The following KRT36 variants were observed in gnomAD, a reference collection of about 807,000 sequenced individuals.
KRT36 encodes the protein keratin 36.
KRT36 carries 41 observed loss-of-function variants against 43.0 expected under a neutral mutation model. The ratio of observed to expected loss-of-function variants is 0.95; its 90% CI spans 0.74 to 1.24. The LOEUF (loss-of-function observed/expected upper bound fraction) is 1.24, where lower values mean the gene tolerates loss of function less well. Among genes scored for constraint, KRT36 ranks in the 50% most tolerant of loss-of-function variants. KRT36 has a pLI of 0.00. For synonymous variants in KRT36, 277 were observed against 252.9 expected (o/e 1.10, Z -0.90); for missense variants, 627 against 595.3 (o/e 1.05, Z -0.55).
At position 41,488,413 on chromosome 17, in the gene KRT36, AC is replaced by A. The variant is rs1211562740; in HGVS notation, c.543-15del. The A allele has an allele frequency of 6.2e-7, 1 of 1,610,658 alleles. No individual in the cohort carries two copies. The highest frequency in any genetic ancestry group is 1.3e-5 in the African/African-American group (1 of 74,804). ...TCTGTCTCATACCTGCACACACAGA[AC>A]CCTGCCAAGTCTGCAGCAAAGGAAA... On this transcript the variant is annotated splice_polypyrimidine_tract_variant and intron_variant, in intron 2 of 6. Coordinates refer to ENST00000328119, the MANE Select transcript of KRT36 (RefSeq NM_003771.5).
chr17:41,489,755 C>A lies in KRT36; in HGVS notation c.110G>T (p.Cys37Phe), dbSNP rs1372933584. The stretch of plus-strand genomic sequence containing the variant: ...AGCACCGGCGAGACTGGGGACCCTG[C>A]AGGAGCCCACAGAACGGATGGAGGA... Reference protein sequence around the residue: ...RVSSIRSVGSCRVPSLAGAAG... With the variant: ...RVSSIRSVGSFRVPSLAGAAG... Residue 37 changes from cysteine to phenylalanine, a missense_variant, in exon 1 of 7, where the codon TGC becomes TTC. Coordinates refer to ENST00000328119, the MANE Select transcript of KRT36 (RefSeq NM_003771.5). The A allele has an allele frequency of 6.2e-7, 1 of 1,613,862 alleles. No individual in the cohort carries two copies. The highest frequency in any genetic ancestry group is 8.5e-7 in the Non-Finnish European group (1 of 1,179,984).
Position 41,489,671 on chromosome 17 carries a change from C to T in KRT36, c.194G>A (p.Gly65Asp). The change falls in exon 1 of 7, where the codon GGC becomes GAC. Residue 65 changes from glycine (G) to aspartate (D), a missense_variant. Physicochemically the swap from Gly to Asp is moderately conservative, Grantham distance 94 (BLOSUM62 -1). Coordinates refer to ENST00000328119, the MANE Select transcript of KRT36 (RefSeq NM_003771.5). ...GTGGCACTCAGAAGACAGGTAGGAG[C>T]CAGGCAAGCAGCTCCCAAGGCCAGA... ...GLSGLGSCLP[G>D]SYLSSECHTS... is the part of the protein sequence containing the mutation. 1 of 1,614,186 alleles carries T rather than the reference C, an allele frequency of 6.2e-7. No homozygotes were observed. Among genetic ancestry groups the T allele is most frequent in the Non-Finnish European group, 8.5e-7 (1 of 1,180,040 alleles).
chr17:41,487,442 G>A lies in KRT36; in HGVS notation c.896C>T (p.Ser299Leu), dbSNP rs776614119. 9 of 1,614,036 alleles carry A rather than the reference G, an allele frequency of 5.6e-6. No homozygotes were observed. The South Asian group carries it at 8.8e-5, about 16-fold the overall frequency. The change falls in exon 5 of 7, where the codon TCG becomes TTG. Residue 299 changes from serine (S) to leucine (L), a missense_variant. Transcript: ENST00000328119. ...EELNQQVVSSSEQLQCCQTEI... is the reference protein window; with the variant it reads ...EELNQQVVSSLEQLQCCQTEI... ...CGTCTGGCAGCACTGCAGCTGCTCC[G>A]AGCTGGACACCACCTGCTGGTTCAG...
At position 41,489,638 on chromosome 17, in the gene KRT36, C is replaced by G. The variant is rs768743093; in HGVS notation, c.227G>C (p.Gly76Ala). Reference sequence around the variant, plus strand: ...GAACCAGCCCCCGCTCCCCACAAAGCCAGAGGTGTGGCACTCAGAAGACAG... The same window carrying G: ...GAACCAGCCCCCGCTCCCCACAAAGGCAGAGGTGTGGCACTCAGAAGACAG... Reference protein sequence around the residue: ...SYLSSECHTSGFVGSGGWFCE... With the variant: ...SYLSSECHTSAFVGSGGWFCE... Residue 76 changes from glycine to alanine, a missense_variant, in exon 1 of 7, where the codon GGC (glycine) becomes GCC (alanine). Coordinates refer to ENST00000328119, the MANE Select transcript of KRT36 (RefSeq NM_003771.5). The G allele has an allele frequency of 2.5e-6, 4 of 1,614,166 alleles. No individual in the cohort carries two copies. In the Admixed American group the frequency reaches 6.7e-5, roughly 27 times the overall value.
rs761215695 is a variant in KRT36 at position 41,489,745 on chromosome 17, G to A, written c.120C>T (p.Pro40=). Residue 40 remains proline (P), a synonymous_variant, in exon 1 of 7, where the codon CCC becomes CCT. Coordinates refer to ENST00000328119, the MANE Select transcript of KRT36 (RefSeq NM_003771.5). ...SIRSVGSCRV[P]SLAGAAGYIS... ...TGTACCCTGCAGCACCGGCGAGACT[G>A]GGGACCCTGCAGGAGCCCACAGAAC... is the stretch of plus-strand genomic sequence containing the variant. 3 of 1,613,914 alleles carry A rather than the reference G, an allele frequency of 1.9e-6. No homozygotes were observed. Among genetic ancestry groups the A allele is most frequent in the African/African-American group, 2.7e-5 (2 of 74,914 alleles).
Position 41,489,706 on chromosome 17 carries a change from C to T in KRT36, c.159G>A (p.Arg53=), listed in dbSNP as rs758140884. Residue 53 remains arginine, a synonymous_variant, in exon 1 of 7, where the codon AGG becomes AGA. Coordinates refer to ENST00000328119, the MANE Select transcript of KRT36 (RefSeq NM_003771.5). ...AGCTCCCAAGGCCAGAGAGGCCCGA[C>T]CTAGCAGAAGAGATGTACCCTGCAG... is the stretch of plus-strand genomic sequence containing the variant. ...AGAAGYISSA[R]SGLSGLGSCL... 3.1e-6 allele frequency: 5 copies of T among 1,614,166 alleles called. No homozygotes were observed. Among genetic ancestry groups the T allele is most frequent in the Non-Finnish European group, 3.4e-6 (4 of 1,180,042 alleles).
chr17:41,486,488 A>G lies in KRT36; in HGVS notation c.1292T>C (p.Val431Ala). The G allele has an allele frequency of 1.9e-6, 3 of 1,613,644 alleles. No individual in the cohort carries two copies. The highest frequency in any genetic ancestry group is 2.5e-6 in the Non-Finnish European group (3 of 1,179,830). The change falls in exon 7 of 7, where the codon GTG becomes GCG. Residue 431 changes from valine (V) to alanine (A), a missense_variant. Physicochemically the swap from Val to Ala is moderately conservative, Grantham distance 64 (BLOSUM62 0). Transcript: ENST00000328119. Reference sequence around the variant, plus strand: ...AACCTGGGGAGCCGGGGTGCAGGGCACAGAGGGGACACAGGGCACCGGGGG... The same window carrying G: ...AACCTGGGGAGCCGGGGTGCAGGGCGCAGAGGGGACACAGGGCACCGGGGG... Reference protein sequence around the residue: ...SVPPVPCVPSVPCTPAPQVGT... With the variant: ...SVPPVPCVPSAPCTPAPQVGT...
At chr17:41,488,130 G>A (rs1904456171) in intron 3 of KRT36, 113 bp downstream of exon 3, 2 of 999,016 alleles carry the variant, frequency 2.0e-6, no homozygotes, top group South Asian at 1.6e-5. Flanking sequence ...AATGAAACGA[G>A]AATGAAATGC....
chr17:41,488,380 G>A lies in KRT36; in HGVS notation c.562C>T (p.Leu188=). ...ATGTCGGCCTCCACTAGCTGCCGCA[G>A]AGACAGCTCTGTCTCATACCTGCAC... ...FRTKYETELS[L]RQLVEADING... Residue 188 remains leucine, a synonymous_variant, in exon 3 of 7, where the codon CTG becomes TTG. Coordinates refer to ENST00000328119, the MANE Select transcript of KRT36 (RefSeq NM_003771.5). The A allele has an allele frequency of 1.9e-6, 3 of 1,614,140 alleles. No individual in the cohort carries two copies. The highest frequency in any genetic ancestry group is 2.5e-6 in the Non-Finnish European group (3 of 1,179,998).
Position 41,489,588 on chromosome 17 carries a change from C to A in KRT36, c.277G>T (p.Glu93Ter). 4.3e-6 allele frequency: 7 copies of A among 1,614,172 alleles called. No homozygotes were observed. The highest frequency in any genetic ancestry group is 5.9e-6 in the Non-Finnish European group (7 of 1,180,050). The part of the protein sequence containing the change: ...WFCEGSFNGS[E>*]KETMQFLNDR... ...TTCAGGAACTGCATAGTCTCCTTCT[C>A]GCTGCCGTTGAAGGAGCCCTCGCAG... The change falls in exon 1 of 7, where the codon GAG becomes TAG. Residue 93 changes from glutamate to a stop codon, truncating the protein, a stop_gained. Transcript: ENST00000328119. LOFTEE classifies it high-confidence loss of function.
chr17:41,488,173 A>T, intron 3 of KRT36, 70 bp downstream of exon 3: 1 of 1,497,606 alleles, frequency 6.7e-7, no homozygotes, highest in Non-Finnish European at 9.1e-7. Context: ...CGCACAGAAA[A>T]CTGAAAGCCC....
chr17:41,486,461 C>A lies in KRT36; in HGVS notation c.1319G>T (p.Gly440Val). 2 of 1,614,018 alleles carry A rather than the reference C, an allele frequency of 1.2e-6. No homozygotes were observed. The highest frequency in any genetic ancestry group is 1.7e-6 in the Non-Finnish European group (2 of 1,179,976). Reference protein sequence around the residue: ...SVPCTPAPQVGTQIRTITEEI... With the variant: ...SVPCTPAPQVVTQIRTITEEI... ...CTCGGTGATGGTGCGGATCTGAGTG[C>A]CAACCTGGGGAGCCGGGGTGCAGGG... Residue 440 changes from glycine (G) to valine (V), a missense_variant, in exon 7 of 7, where the codon GGC becomes GTC. Coordinates refer to ENST00000328119, the MANE Select transcript of KRT36 (RefSeq NM_003771.5).
chr17:41,489,625 G>T lies in KRT36; in HGVS notation c.240C>A (p.Ser80Arg). 6.2e-7 allele frequency: 1 copy of T among 1,614,094 alleles called. No homozygotes were observed. Residue 80 changes from serine to arginine, a missense_variant, in exon 1 of 7, where the codon AGC becomes AGA. Physicochemically the swap from Ser to Arg is moderately radical, Grantham distance 110. Coordinates refer to ENST00000328119, the MANE Select transcript of KRT36 (RefSeq NM_003771.5). ...SECHTSGFVG[S>R]GGWFCEGSFN... ...AGGAGCCCTCGCAGAACCAGCCCCC[G>T]CTCCCCACAAAGCCAGAGGTGTGGC...
chr17:41,487,193 C>T, intron 5 of KRT36, 23 bp from the exon 6 acceptor site: 1 of 1,604,280 alleles, frequency 6.2e-7, no homozygotes, highest in Non-Finnish European at 8.5e-7. Context: ...AGAGGAAGAG[C>T]TGCCTATTGG....
chr17:41,487,008 C>T lies in KRT36; in HGVS notation c.1150G>A (p.Ala384Thr), dbSNP rs565244986. Reference protein sequence around the residue: ...QEYQVLLDVKARLEGEIATYR... With the variant: ...QEYQVLLDVKTRLEGEIATYR... Reference sequence around the variant, plus strand: ...GTAGCGATCTCGCCCTCCAGCCGGGCCTTGACGTCCAGTAACACCTGGTAC... The same window carrying T: ...GTAGCGATCTCGCCCTCCAGCCGGGTCTTGACGTCCAGTAACACCTGGTAC... Residue 384 changes from alanine to threonine, a missense_variant, in exon 6 of 7, where the codon GCC becomes ACC. By Grantham distance (58) the Ala-to-Thr change is moderately conservative. Transcript: ENST00000328119. 3.7e-6 allele frequency: 6 copies of T among 1,614,094 alleles called. No individual in the cohort carries two copies. The South Asian group carries it at 5.5e-5, about 15-fold the overall frequency.
intron 2 of KRT36, 70 bp downstream of exon 2, chr17:41,488,572 C>T (rs768146759): frequency 1.9e-6 from 3 of 1,539,460 alleles, no homozygotes; most frequent in Non-Finnish European, 2.7e-6. Flanking sequence ...CCCACATCAC[C>T]AGCTCCCAAA....
In KRT36 at chr17:41,489,692, C is replaced by G; in HGVS notation, c.173G>C (p.Gly58Ala). Reference protein sequence around the residue: ...YISSARSGLSGLGSCLPGSYL... With the variant: ...YISSARSGLSALGSCLPGSYL... ...GGAGCCAGGCAAGCAGCTCCCAAGG[C>G]CAGAGAGGCCCGACCTAGCAGAAGA... is the stretch of plus-strand genomic sequence containing the variant. The change falls in exon 1 of 7, where the codon GGC (glycine) becomes GCC (alanine). Residue 58 changes from glycine (G) to alanine (A), a missense_variant. Transcript: ENST00000328119. The G allele has an allele frequency of 6.2e-7, 1 of 1,614,174 alleles. No individual in the cohort carries two copies. Among genetic ancestry groups the G allele is most frequent in the Non-Finnish European group, 8.5e-7 (1 of 1,180,034 alleles).
chr17:41,486,666 G>T, intron 6 of KRT36, 95 bp from the exon 7 acceptor site: 1 of 1,026,058 alleles, frequency 9.7e-7, no homozygotes, highest in Non-Finnish European at 1.4e-6. Flanking sequence ...GAGACCGGTG[G>T]CCCCGGATCA....
At chr17:41,486,662 G>A (rs1567708846) in intron 6 of KRT36, 91 bp from the exon 7 acceptor site, 7 of 1,051,636 alleles carry the variant, frequency 6.7e-6, no homozygotes, top group Non-Finnish European at 8.1e-6. Context: ...AAGCGAGACC[G>A]GTGGCCCCGG....
Sources: gnomAD v4.1 joint callset for allele counts on GRCh38, gnomAD v4.1.1 for gene constraint, MANE v1.5 for transcripts, NCBI Gene and HGNC (gene_info 2026-07-23, HGNC 2026-07-21) for gene names.